The following ATXN2 variants were observed in gnomAD, a reference collection of about 807,000 sequenced individuals.
ATXN2 encodes the protein ataxin-2.
A neutral mutation model predicts 138.6 loss-of-function variants in ATXN2; 37 were observed. That is an observed-to-expected ratio of 0.27 (90% confidence interval 0.21 to 0.35). The LOEUF is 0.35. Among genes scored for constraint, ATXN2 ranks in the 10% least tolerant of loss-of-function variants. ATXN2 has a pLI of 1.00. For synonymous variants in ATXN2, 549 were observed against 543.7 expected, an observed-to-expected ratio of 1.01 and a Z score of -0.13; for missense variants, 1,216 against 1,480.3, an observed-to-expected ratio of 0.82 and a Z score of 2.93.
chr12:111,516,324 C>A lies in ATXN2; in HGVS notation c.1205G>T (p.Arg402Leu). ...WPSPCPSPSS[R>L]PPSRYQSGPN... ...ACCTGACTGGTAGCGAGAAGGTGGG[C>A]GAGAGGAAGGAGATGGGCAAGGCGA... The change falls in exon 10 of 25, where the codon CGC (arginine) becomes CTC (leucine). Residue 402 changes from arginine to leucine, a missense_variant. By Grantham distance (102) the Arg-to-Leu change is moderately radical. Transcript: ENST00000673436. This position sits in a 1 kb window ranked among gnomAD's most constrained non-coding sequence, Gnocchi z 5.0. The A allele has an allele frequency of 1.3e-6, 2 of 1,580,112 alleles. No individual in the cohort carries two copies. The highest frequency in any genetic ancestry group is 1.7e-6 in the Non-Finnish European group (2 of 1,167,432).
Position 111,560,996 on chromosome 12 carries a change from G to A in ATXN2, c.252-5077C>T, listed in dbSNP as rs139576524. ...TCCCAGCACTCCAGGAGGCCAAGGC[G>A]GGCTGAAACCCCATCTCTACTAAAA... is the stretch of plus-strand genomic sequence containing the variant. On this transcript the variant is annotated intron_variant, in intron 1 of 24. Transcript: ENST00000673436. Among the ~76,000 whole-genome samples the A allele has an allele frequency of 5.1e-3, 767 of 151,330 alleles. 9 individuals carry two copies. The highest frequency in any genetic ancestry group is 0.017 in the African/African-American group (681 of 41,204).
rs1221231525 is a variant in ATXN2, at chr12:111,599,314, C to T, written c.-280G>A. The T allele has an allele frequency of 1.1e-6, 1 of 943,624 alleles. No homozygotes were observed. Among genetic ancestry groups the T allele is most frequent in the East Asian group, 1.3e-4 (1 of 7,462 alleles). The allele number at this position is 943,624 out of a possible 1,614,324, so 58.5% of individuals were successfully genotyped here. On this transcript the variant is annotated 5_prime_UTR_variant, in exon 1 of 25. Transcript: ENST00000673436. ...AGTCTGAGGCGGAGGGAGGCGAGCT[C>T]TGCCGGGAGGGAGGGGGGCCGGGGC... is the stretch of plus-strand genomic sequence containing the variant.
At chr12:111,596,122 T>C (rs1884925469) in intron 1 of ATXN2, among the ~76,000 whole-genome samples, 1 of 151,452 alleles carries the variant, frequency 6.6e-6, no homozygotes, top group Non-Finnish European at 1.5e-5. Flanking sequence ...ATCACTTAAA[T>C]GAACCCAGGA....
chr12:111,524,887 C>T (rs1001127961), intron 6 of ATXN2, among the ~76,000 whole-genome samples: 4 of 152,252 alleles, frequency 2.6e-5, no homozygotes, highest in African/African-American at 7.2e-5. Context: ...CAAAACACAC[C>T]GGCATTTCCC....
At chr12:111,525,716 G>A (rs1294928572) in intron 5 of ATXN2, among the ~76,000 whole-genome samples, 1 of 145,490 alleles carries the variant, frequency 6.9e-6, no homozygotes, top group African/African-American at 2.6e-5. Flanking sequence ...ATAGAGTCTC[G>A]TTCTGTTGCC....
chr12:111,561,006 C>A (rs2135797609), intron 1 of ATXN2, among the ~76,000 whole-genome samples: 1 of 152,202 alleles, frequency 6.6e-6, no homozygotes, highest in South Asian at 2.1e-4. Flanking sequence ...GGGCTGAAAC[C>A]CCATCTCTAC....
chr12:111,470,851 T>C (rs566385541), intron 18 of ATXN2, 109 bp from the exon 19 acceptor site: 7 of 1,159,016 alleles, frequency 6.0e-6, no homozygotes, highest in Non-Finnish European at 7.4e-6. Context: ...TCTGCGTCTC[T>C]GATGCCATCT....
At chr12:111,546,559 T>C (rs987363236) in intron 5 of ATXN2, among the ~76,000 whole-genome samples, 3 of 151,088 alleles carry the variant, frequency 2.0e-5, no homozygotes, top group Non-Finnish European at 2.9e-5. Flanking sequence ...TGAGGAACAA[T>C]GGAATAAGGA....
chr12:111,486,322 C>T (rs1877640191), intron 16 of ATXN2, among the ~76,000 whole-genome samples: 1 of 152,138 alleles, frequency 6.6e-6, no homozygotes, highest in African/African-American at 2.4e-5. Context: ...TACATCATCT[C>T]TAGATTATTT....
intron 19 of ATXN2, 38 bp from the exon 20 acceptor site, chr12:111,470,278 C>A (rs749796720): frequency 1.9e-6 from 3 of 1,599,520 alleles, no homozygotes; most frequent in Non-Finnish European, 2.6e-6. Flanking sequence ...CACATTAACA[C>A]TGCAAATAGA....
In ATXN2 at chr12:111,510,024, T is replaced by A. The variant is rs776337610; in HGVS notation, c.1757-26A>T. The A allele has an allele frequency of 1.2e-5, 18 of 1,491,190 alleles. No homozygotes were observed. In the East Asian group the frequency reaches 3.6e-4, roughly 30 times the overall value. The allele number at this position is 1,491,190 out of a possible 1,614,324, so 92.4% of individuals were successfully genotyped here. A position where few individuals can be genotyped will look rare whatever the true frequency, so the allele number is the denominator to read the frequency against. On this transcript the variant is annotated intron_variant, in intron 12 of 24. Transcript: ENST00000673436. ...CTAGAAAACAATTTTTTAAAAAAAA[T>A]TCAGATAAGTTAGAAAAGCAAAACA...
chr12:111,553,013 A>T (rs1252842315), intron 3 of ATXN2, 36 bp from the exon 4 acceptor site: 1 of 1,360,888 alleles, frequency 7.3e-7, no homozygotes, highest in East Asian at 2.5e-5. Context: ...AAGAAACAGT[A>T]TACTACCCGG....
chr12:111,475,186 C>G lies in ATXN2; in HGVS notation c.2525-4444G>C, dbSNP rs573334202. Among the ~76,000 whole-genome samples the G allele has an allele frequency of 1.6e-3, 244 of 151,478 alleles. 1 individual carries two copies. Among genetic ancestry groups the G allele is most frequent in the Non-Finnish European group, 3.0e-3 (205 of 67,870 alleles). On this transcript the variant is annotated intron_variant, in intron 18 of 24. Coordinates refer to ENST00000673436, the MANE Select transcript of ATXN2 (RefSeq NM_001372574.1). ...CCGAGATCGCATCACTGCACTCCAG[C>G]CTGGGCAACAGAGCGAGACTCTGTC... is the stretch of plus-strand genomic sequence containing the variant.
intron 8 of ATXN2, 133 bp from the exon 9 acceptor site, chr12:111,518,560 C>A: frequency 1.2e-6 from 1 of 839,790 alleles, no homozygotes; most frequent in Non-Finnish European, 1.8e-6. Flanking sequence ...CTGCCTCACT[C>A]CCAGATGCCC....
intron 1 of ATXN2, among the ~76,000 whole-genome samples, chr12:111,597,077 C>G (rs1884972208): frequency 6.9e-6 from 1 of 143,982 alleles, no homozygotes; most frequent in Admixed American, 7.5e-5. Context: ...TGAAGTTACC[C>G]TACTTGGGGA....
chr12:111,495,796 C>T (rs1245746572), intron 14 of ATXN2, among the ~76,000 whole-genome samples: 2 of 152,094 alleles, frequency 1.3e-5, no homozygotes, highest in South Asian at 4.1e-4. Flanking sequence ...ACATTCTTCT[C>T]CTCAACATAT....
chr12:111,477,206 A>T (rs1566013906), intron 18 of ATXN2, among the ~76,000 whole-genome samples: 1 of 151,166 alleles, frequency 6.6e-6, no homozygotes, highest in Non-Finnish European at 1.5e-5. Flanking sequence ...AAAAATACAA[A>T]TTAGCTGGGT....
chr12:111,562,125 T>TAA (rs79681962), intron 1 of ATXN2, among the ~76,000 whole-genome samples: 4 of 140,804 alleles, frequency 2.8e-5, no homozygotes, highest in Non-Finnish European at 3.1e-5. Flanking sequence ...GACTCCACCT[T>TAA]AAAAAAAAAA....
intron 1 of ATXN2, among the ~76,000 whole-genome samples, chr12:111,594,707 C>G (rs966112466): frequency 2.0e-5 from 3 of 151,980 alleles, no homozygotes; most frequent in Admixed American, 2.0e-4. Context: ...GAAGAGTCAA[C>G]CAGCGAAAAT....
Sources: allele counts gnomAD v4.1 joint callset (sites outside exome capture counted in the v4.1 genomes callset), GRCh38; gene constraint gnomAD v4.1.1; non-coding constraint Gnocchi (gnomAD v3.1); transcripts MANE v1.5; gene names NCBI Gene and HGNC (gene_info 2026-07-23, HGNC 2026-07-21).